Variants in HPCAL1 observed in about 807,000 individuals in gnomAD.
HPCAL1 encodes hippocalcin-like protein 1.
A neutral mutation model predicts 17.1 loss-of-function variants in HPCAL1; 8 were observed. The observed-to-expected ratio is 0.47, with a 90% CI of 0.27 to 0.84. The LOEUF is 0.84. Ranked by LOEUF, HPCAL1 falls within the 40% of genes least tolerant of loss-of-function variation. HPCAL1 has a pLI of 0.13. For missense variants in HPCAL1, 165 were observed against 271.1 expected (o/e 0.61, Z 2.75); for synonymous variants, 112 against 111.4 (o/e 1.01, Z -0.03).
chr2:10,346,632 C>T (rs1426469800), intron 1 of HPCAL1, among the ~76,000 whole-genome samples: 1 of 152,160 alleles, frequency 6.6e-6, no homozygotes, highest in Non-Finnish European at 1.5e-5. Flanking sequence ...CCCACAGACC[C>T]GGGACTGGCA....
At chr2:10,371,802 C>T (rs965649667) in intron 1 of HPCAL1, among the ~76,000 whole-genome samples, 11 of 152,164 alleles carry the variant, frequency 7.2e-5, no homozygotes, top group African/African-American at 2.7e-4. Flanking sequence ...CAGGGGTCAG[C>T]GTGCCATGGA....
At chr2:10,381,059 T>C (rs1437485114) in intron 1 of HPCAL1, among the ~76,000 whole-genome samples, 1 of 152,218 alleles carries the variant, frequency 6.6e-6, no homozygotes, top group Admixed American at 6.5e-5. Flanking sequence ...TCTGGATCAG[T>C]GCTTGTGCAG....
chr2:10,412,777 G>A (rs1469615153), intron 2 of HPCAL1, among the ~76,000 whole-genome samples: 1 of 152,100 alleles, frequency 6.6e-6, no homozygotes, highest in Non-Finnish European at 1.5e-5. Flanking sequence ...GGAATTTTGG[G>A]GCCCCAGTTG....
intron 1 of HPCAL1, among the ~76,000 whole-genome samples, chr2:10,307,192 C>T (rs917066650): frequency 2.6e-5 from 4 of 152,162 alleles, no homozygotes; most frequent in African/African-American, 7.2e-5. Context: ...TTGTTAAATA[C>T]GTACTGCATG....
At chr2:10,315,403 G>A (rs1004769945) in intron 1 of HPCAL1, among the ~76,000 whole-genome samples, 1 of 152,164 alleles carries the variant, frequency 6.6e-6, no homozygotes, top group Non-Finnish European at 1.5e-5. Context: ...AACGGTGGTT[G>A]TATTCCATGG....
Position 10,367,222 on chromosome 2 carries a change from T to G in HPCAL1, c.-110-29613T>G, listed in dbSNP as rs1666904020. ...CAAAATAGGCTGAGACTTTTTACAG[T>G]TAGATATTTAATATACAGATGACGG... On this transcript the variant is annotated intron_variant, in intron 1 of 4. Transcript: ENST00000307845. The surrounding 1 kb of genome is among the most constrained non-coding windows in gnomAD (Gnocchi z 4.4). Among the ~76,000 whole-genome samples, 1 of 151,886 alleles carries G rather than the reference T, an allele frequency of 6.6e-6. No individual in the cohort carries two copies. Among genetic ancestry groups the G allele is most frequent in the Non-Finnish European group, 1.5e-5 (1 of 67,982 alleles).
At chr2:10,399,840 A>C (rs1669481242) in intron 2 of HPCAL1, among the ~76,000 whole-genome samples, 1 of 152,046 alleles carries the variant, frequency 6.6e-6, no homozygotes, top group South Asian at 2.1e-4. Context: ...CCAGACACTC[A>C]TGCGTTCCTT....
rs114551878 is a variant in HPCAL1 at position 10,412,958 on chromosome 2, G to A, written c.-24-6776G>A. Among the ~76,000 whole-genome samples the A allele has an allele frequency of 2.0e-3, 306 of 151,658 alleles. 3 individuals are homozygous for A. The highest frequency in any genetic ancestry group is 7.0e-3 in the African/African-American group (291 of 41,296). The stretch of plus-strand genomic sequence containing the variant: ...GGTGGGGATTTTTTCAAAAGGAAGC[G>A]GCAAAGGTATTGTACTATTTTTGGG... On this transcript the variant is annotated intron_variant, in intron 2 of 4. Transcript: ENST00000307845.
intron 2 of HPCAL1, among the ~76,000 whole-genome samples, chr2:10,415,594 C>T (rs1670609580): frequency 6.6e-6 from 1 of 152,078 alleles, no homozygotes; most frequent in Non-Finnish European, 1.5e-5. Context: ...GCCCACACTC[C>T]CTCTGACACA....
At position 10,392,813 on chromosome 2, in the gene HPCAL1, C is replaced by T. The variant is rs1280786791; in HGVS notation, c.-110-4022C>T. 5.9e-5 allele frequency among the ~76,000 whole-genome samples: 9 copies of T among 152,288 alleles called. No homozygotes were observed. The South Asian group carries it at 6.2e-4, about 11-fold the overall frequency. ...CTCCCTCTGCCATTCTCCAGAGACT[C>T]GGAGAGGGGCCTAAGGCCTGACATG... On this transcript the variant is annotated intron_variant, in intron 1 of 4. Transcript: ENST00000307845.
At chr2:10,390,133 G>A (rs1195625645) in intron 1 of HPCAL1, among the ~76,000 whole-genome samples, 2 of 152,170 alleles carry the variant, frequency 1.3e-5, no homozygotes, top group East Asian at 3.9e-4. Flanking sequence ...TTTGGTGCTG[G>A]GCACTAGTCA....
chr2:10,369,699 T>C (rs1482073871), intron 1 of HPCAL1, among the ~76,000 whole-genome samples: 2 of 151,984 alleles, frequency 1.3e-5, no homozygotes, highest in African/African-American at 4.8e-5. Context: ...TTGGAGGAGG[T>C]GGTGGTTAAG....
chr2:10,324,360 G>A (rs1409781987), intron 1 of HPCAL1: 1 of 152,216 alleles, frequency 6.6e-6, no homozygotes, highest in Non-Finnish European at 1.5e-5. Flanking sequence ...GAAGGGGACG[G>A]AGTTCTCTGG....
intron 1 of HPCAL1, among the ~76,000 whole-genome samples, chr2:10,325,241 T>A (rs1431728011): frequency 6.6e-6 from 1 of 152,210 alleles, no homozygotes; most frequent in Non-Finnish European, 1.5e-5. Context: ...CATAGCTCAC[T>A]GCAGCCTTGG....
intron 2 of HPCAL1, among the ~76,000 whole-genome samples, chr2:10,401,364 G>A (rs1430795165): frequency 2.6e-5 from 4 of 152,214 alleles, no homozygotes; most frequent in Non-Finnish European, 5.9e-5. Flanking sequence ...TAGCTTAGAA[G>A]TAATCACTGG....
At chr2:10,412,869 C>T (rs1438928117) in intron 2 of HPCAL1, among the ~76,000 whole-genome samples, 2 of 152,150 alleles carry the variant, frequency 1.3e-5, no homozygotes, top group Non-Finnish European at 2.9e-5. Flanking sequence ...TGTGTTGGGG[C>T]TTGTGGATGT....
At chr2:10,424,642 G>C (rs192100741) in intron 4 of HPCAL1, 32 of 470,680 alleles carry the variant, frequency 6.8e-5, no homozygotes, top group Admixed American at 1.6e-4. Flanking sequence ...TGGCATGGTC[G>C]TTGCTAATGT....
rs1449618473 is a variant in HPCAL1 at position 10,362,678 on chromosome 2, AG to A, written c.-110-34154del. Among the ~76,000 whole-genome samples the A allele has an allele frequency of 6.6e-6, 1 of 152,080 alleles. No individual in the cohort carries two copies. Among genetic ancestry groups the A allele is most frequent in the Non-Finnish European group, 1.5e-5 (1 of 67,992 alleles). ...TTTCTGCTGCTTTGGGAGAGAAGGG[AG>A]GGTAGCCCTGAGGCCATCCCAAATG... On this transcript the variant is annotated intron_variant, in intron 1 of 4. Coordinates refer to ENST00000307845, the MANE Select transcript of HPCAL1 (RefSeq NM_002149.4). This position sits in a 1 kb window ranked among gnomAD's most constrained non-coding sequence, Gnocchi z 5.0.
chr2:10,427,161 G>A lies in HPCAL1; in HGVS notation c.*340G>A, dbSNP rs1402538256. Reference sequence around the variant, plus strand: ...GCAGGACCTCCCGAGGCTGCGCCCCGGCCGGCCCATGCGTTTTGTGATCCC... The same window carrying A: ...GCAGGACCTCCCGAGGCTGCGCCCCAGCCGGCCCATGCGTTTTGTGATCCC... On this transcript the variant is annotated 3_prime_UTR_variant, in exon 5 of 5. Coordinates refer to ENST00000307845, the MANE Select transcript of HPCAL1 (RefSeq NM_002149.4). The A allele has an allele frequency of 1.1e-4, 29 of 272,482 alleles. No homozygotes were observed. The highest frequency in any genetic ancestry group is 1.7e-4 in the Non-Finnish European group (24 of 140,692). The allele number at this position is 272,482 out of a possible 1,614,324, so 16.9% of individuals were successfully genotyped here.
Sources: gnomAD v4.1 joint callset for allele counts (sites outside exome capture counted in the v4.1 genomes callset) on GRCh38, gnomAD v4.1.1 for gene constraint, Gnocchi (gnomAD v3.1) non-coding constraint, MANE v1.5 for transcripts, NCBI Gene and HGNC (gene_info 2026-07-23, HGNC 2026-07-21) for gene names.